HIVEP3: variants seen among roughly 807,000 people sequenced by gnomAD.
HIVEP3 encodes HIVEP zinc finger 3.
In HIVEP3, 49 loss-of-function variants were observed where a neutral mutation model predicts 152.8. The ratio of observed to expected loss-of-function variants is 0.32; its 90% CI spans 0.26 to 0.41. The LOEUF is 0.41. Ranked by LOEUF, HIVEP3 falls within the 10% of genes least tolerant of loss-of-function variation. The probability of loss-of-function intolerance (pLI) is 1.00; values close to 1 mark genes in which losing one functional copy is unlikely to be tolerated. For missense variants in HIVEP3, 2,790 were observed against 3,103.3 expected (o/e 0.90, Z 2.40); for synonymous variants, 1,269 against 1,289.0 (o/e 0.98, Z 0.33).
At chr1:41,998,463 G>C (rs1645407761) in intron 1 of HIVEP3, among the ~76,000 whole-genome samples, 1 of 152,032 alleles carries the variant, frequency 6.6e-6, no homozygotes, top group Non-Finnish European at 1.5e-5. Context: ...CATACTTTTT[G>C]CTAAATTTTA....
chr1:41,985,532 C>G (rs559457370), intron 1 of HIVEP3, among the ~76,000 whole-genome samples: 2 of 152,318 alleles, frequency 1.3e-5, no homozygotes, highest in Non-Finnish European at 2.9e-5. Flanking sequence ...GGTGTCTCTT[C>G]TTATAAGGGC....
chr1:41,806,091 C>A (rs1436307722), intron 1 of HIVEP3, among the ~76,000 whole-genome samples: 1 of 152,144 alleles, frequency 6.6e-6, no homozygotes, highest in East Asian at 1.9e-4. Flanking sequence ...GTCCTCCTTG[C>A]CAGATGAGGC....
intron 1 of HIVEP3, among the ~76,000 whole-genome samples, chr1:41,800,952 A>T (rs1435011339): frequency 6.6e-6 from 1 of 152,194 alleles, no homozygotes; most frequent in East Asian, 1.9e-4. Flanking sequence ...CGTCTACATT[A>T]TCTGGCCCTG....
chr1:41,876,988 TCA>T lies in HIVEP3; in HGVS notation c.-801+41423_-801+41424del, dbSNP rs141961435. ...CCAAGCCCTAAACCCCTCCTGAGTTTCAGTTTCCTTACTGAAGAAGTGGGAAG... is the reference window on the plus strand; with the variant it reads ...CCAAGCCCTAAACCCCTCCTGAGTTTGTTTCCTTACTGAAGAAGTGGGAAG... On this transcript the variant is annotated intron_variant, in intron 1 of 8. Transcript: ENST00000372583. Among the ~76,000 whole-genome samples, 364 of 152,318 alleles carry T rather than the reference TCA, an allele frequency of 2.4e-3. 2 individuals carry two copies. Among genetic ancestry groups the T allele is most frequent in the African/African-American group, 7.8e-3 (323 of 41,564 alleles).
intron 1 of HIVEP3, among the ~76,000 whole-genome samples, chr1:41,729,627 A>T (rs1326854332): frequency 6.6e-6 from 1 of 152,216 alleles, no homozygotes; most frequent in Non-Finnish European, 1.5e-5. Context: ...CAGAAGGAGA[A>T]AGTGAAGAGA....
At chr1:41,822,660 G>A (rs995081697) in intron 1 of HIVEP3, among the ~76,000 whole-genome samples, 2 of 152,182 alleles carry the variant, frequency 1.3e-5, no homozygotes, top group African/African-American at 4.8e-5. Flanking sequence ...GCTATACCAT[G>A]ACAGTCCCCA....
chr1:41,966,278 C>T (rs1285653584), intron 1 of HIVEP3, among the ~76,000 whole-genome samples: 1 of 152,110 alleles, frequency 6.6e-6, no homozygotes, highest in East Asian at 1.9e-4. Context: ...AAAAAACACA[C>T]TGAAGTACAC....
At chr1:41,734,848 A>G (rs1297403420) in intron 1 of HIVEP3, among the ~76,000 whole-genome samples, 1 of 152,218 alleles carries the variant, frequency 6.6e-6, no homozygotes, top group Non-Finnish European at 1.5e-5. Flanking sequence ...TAAAGAGGAA[A>G]GGCAGGTTTA....
intron 2 of HIVEP3, among the ~76,000 whole-genome samples, chr1:41,696,365 G>A (rs943012090): frequency 1.3e-5 from 2 of 152,278 alleles, no homozygotes; most frequent in Non-Finnish European, 2.9e-5. Flanking sequence ...TTCCTGGTGG[G>A]AGAAGGAACA....
intron 5 of HIVEP3, chr1:41,542,882 A>C (rs1643565893): frequency 6.6e-6 from 1 of 152,548 alleles, no homozygotes; most frequent in Non-Finnish European, 1.5e-5. Context: ...CATGGTCCAG[A>C]TTAACAATAC....
At chr1:41,622,772 G>A (rs149039711) in intron 3 of HIVEP3, among the ~76,000 whole-genome samples, 3 of 152,330 alleles carry the variant, frequency 2.0e-5, no homozygotes, top group African/African-American at 7.2e-5. Context: ...GCTGGAGCAG[G>A]CAAGCCAGGG....
At position 41,513,483 on chromosome 1, in the gene HIVEP3, G is replaced by GTGGCC; in HGVS notation, c.5737_5738insGGCCA (p.Thr1913ArgfsTer14). 6.2e-7 allele frequency: 1 copy of GTGGCC among 1,610,614 alleles called. No individual in the cohort carries two copies. The highest frequency in any genetic ancestry group is 8.5e-7 in the Non-Finnish European group (1 of 1,179,150). On this transcript the variant is annotated frameshift_variant, in exon 8 of 9. Transcript: ENST00000372583. LOFTEE classifies it high-confidence loss of function. The stretch of plus-strand genomic sequence containing the variant: ...AGCTTCCGAGACCGAGCTGCCTCGT[G>GTGGCC]TAGCCTCCGTGCCAGAGGCGGGGGC...
At chr1:41,623,209 G>A (rs1343862658) in intron 3 of HIVEP3, among the ~76,000 whole-genome samples, 1 of 152,244 alleles carries the variant, frequency 6.6e-6, no homozygotes, top group African/African-American at 2.4e-5. Context: ...CAGGCAGGAA[G>A]TGGGAGGCAG....
Position 41,909,411 on chromosome 1 carries a change from T to A in HIVEP3, c.-801+9002A>T, listed in dbSNP as rs572482031. Among the ~76,000 whole-genome samples, 29 of 152,146 alleles carry A rather than the reference T, an allele frequency of 1.9e-4. No homozygotes were observed. The South Asian group carries it at 6.0e-3, about 32-fold the overall frequency. ...CAAGTTTTGCTTAATTATAAAAGAT[T>A]CAATTCACCAGAAAGATAAAACAAT... On this transcript the variant is annotated intron_variant, in intron 1 of 8. Transcript: ENST00000372583.
At chr1:41,806,110 C>T (rs934343724) in intron 1 of HIVEP3, among the ~76,000 whole-genome samples, 3 of 152,284 alleles carry the variant, frequency 2.0e-5, no homozygotes, top group Admixed American at 6.5e-5. Context: ...GCCCCCAGAG[C>T]CTGCCCTCTG....
chr1:41,810,859 G>A lies in HIVEP3; in HGVS notation c.-801+107554C>T, dbSNP rs544294682. Among the ~76,000 whole-genome samples the A allele has an allele frequency of 2.1e-4, 30 of 144,914 alleles. No individual in the cohort carries two copies. In the South Asian group the frequency reaches 5.7e-3, roughly 28 times the overall value. ...TAGTGTGGATCTCTTTAAGAAGCCA[G>A]GTGGCCTATGTGGCATGTGGCTTAT... is the stretch of plus-strand genomic sequence containing the variant. On this transcript the variant is annotated intron_variant, in intron 1 of 8. Transcript: ENST00000372583.
intron 5 of HIVEP3, among the ~76,000 whole-genome samples, chr1:41,567,110 C>T (rs1463178996): frequency 6.6e-6 from 1 of 152,222 alleles, no homozygotes; most frequent in Non-Finnish European, 1.5e-5. Context: ...TCCCTGTCCC[C>T]AGACCTATTT....
rs1644485157 is a variant in HIVEP3 at position 41,585,151 on chromosome 1, C to G, written c.-354G>C. The G allele has an allele frequency of 2.5e-6, 1 of 399,382 alleles. No homozygotes were observed. Among genetic ancestry groups the G allele is most frequent in the Non-Finnish European group, 4.4e-6 (1 of 227,098 alleles). The allele number at this position is 399,382 out of a possible 1,614,324, so 24.7% of individuals were successfully genotyped here. On this transcript the variant is annotated 5_prime_UTR_variant, in exon 4 of 9. Transcript: ENST00000372583. ...CAGTGGCAGGTGGCCCCCACGAGTC[C>G]CCCGTGTGCTATGCAAACGGTTGAA...
At chr1:42,004,634 G>C (rs1375384925) in intron 1 of HIVEP3, among the ~76,000 whole-genome samples, 1 of 152,174 alleles carries the variant, frequency 6.6e-6, no homozygotes, top group African/African-American at 2.4e-5. Flanking sequence ...ATGTTCCCAA[G>C]CAAGTTGTCA....
Sources: allele counts gnomAD v4.1 joint callset (sites outside exome capture counted in the v4.1 genomes callset), GRCh38; gene constraint gnomAD v4.1.1; transcripts MANE v1.5; gene names NCBI Gene and HGNC (gene_info 2026-07-23, HGNC 2026-07-21).